Variants in CTDSPL2 observed in about 807,000 individuals in gnomAD.
CTDSPL2 encodes CTD small phosphatase-like protein 2.
Under a neutral mutation model 60.0 loss-of-function variants are expected in CTDSPL2, and 5 were observed. The observed-to-expected ratio is 0.08, with a 90% CI of 0.04 to 0.18. CTDSPL2 has a LOEUF of 0.18. CTDSPL2 is among the 10% of genes least tolerant of loss of function. The probability of loss-of-function intolerance (pLI) is 1.00; values close to 1 mark genes in which losing one functional copy is unlikely to be tolerated. For missense variants in CTDSPL2, 370 were observed against 548.8 expected, an observed-to-expected ratio of 0.67 and a Z score of 3.26; for synonymous variants, 186 against 189.3, an observed-to-expected ratio of 0.98 and a Z score of 0.14.
intron 1 of CTDSPL2, among the ~76,000 whole-genome samples, chr15:44,434,165 G>A (rs932139228): frequency 4.6e-5 from 7 of 152,092 alleles, no homozygotes; most frequent in African/African-American, 1.7e-4. Context: ...ACTTTGGGAG[G>A]CCAAGATGGG....
intron 1 of CTDSPL2, chr15:44,449,063 G>T (rs560390354): frequency 1.8e-4 from 58 of 315,542 alleles, no homozygotes; most frequent in Non-Finnish European, 3.2e-4. Flanking sequence ...CAAATATTGT[G>T]CTTCCAAGTC....
chr15:44,445,221 G>T (rs536136765), intron 1 of CTDSPL2, among the ~76,000 whole-genome samples: 1 of 151,012 alleles, frequency 6.6e-6, no homozygotes, highest in East Asian at 2.0e-4. Context: ...TCTCACTCCG[G>T]CTGTTGCCCT....
chr15:44,492,913 G>A (rs750169717), intron 5 of CTDSPL2, among the ~76,000 whole-genome samples: 1 of 152,108 alleles, frequency 6.6e-6, no homozygotes, highest in African/African-American at 2.4e-5. Flanking sequence ...CTTCCTGTTC[G>A]ATGTTTGTTC....
intron 1 of CTDSPL2, among the ~76,000 whole-genome samples, chr15:44,453,318 G>T (rs1288389808): frequency 6.6e-6 from 1 of 151,792 alleles, no homozygotes; most frequent in African/African-American, 2.4e-5. Flanking sequence ...GTTCCTGTTT[G>T]TTCTTCATTT....
chr15:44,473,405 C>A (rs1301163908), intron 2 of CTDSPL2, among the ~76,000 whole-genome samples: 1 of 152,184 alleles, frequency 6.6e-6, no homozygotes, highest in African/African-American at 2.4e-5. Flanking sequence ...ACGCCATTCT[C>A]CTGCCTCAGC....
intron 1 of CTDSPL2, among the ~76,000 whole-genome samples, chr15:44,433,741 G>A (rs2079912110): frequency 1.3e-5 from 2 of 151,926 alleles, no homozygotes; most frequent in African/African-American, 4.8e-5. Flanking sequence ...CATGAGTTGA[G>A]GAGTTCGAGA....
intron 1 of CTDSPL2, among the ~76,000 whole-genome samples, chr15:44,456,186 T>C (rs2080436343): frequency 6.6e-6 from 1 of 152,180 alleles, no homozygotes; most frequent in Non-Finnish European, 1.5e-5. Context: ...TCATCAAGGA[T>C]ATTGGTCTAA....
chr15:44,497,111 A>C lies in CTDSPL2; in HGVS notation c.855A>C (p.Thr285=). 4 of 1,607,220 alleles carry C rather than the reference A, an allele frequency of 2.5e-6. No homozygotes were observed. Among genetic ancestry groups the C allele is most frequent in the South Asian group, 1.1e-5 (1 of 90,884 alleles). Residue 285 remains threonine, a synonymous_variant, in exon 7 of 13, where the codon ACA becomes ACC. Coordinates refer to ENST00000260327, the MANE Select transcript of CTDSPL2 (RefSeq NM_016396.3). ...KPALPLKTRS[T]PEFSLVLDLD... ...CTCTTCCGTTGAAAACAAGAAGCAC[A>C]CCGGAATTCTCCCTAGTTTTAGACT...
chr15:44,502,181 C>A (rs1456945727), intron 8 of CTDSPL2: 1 of 211,164 alleles, frequency 4.7e-6, no homozygotes, highest in Non-Finnish European at 9.7e-6. Context: ...ACAAAATTAA[C>A]CATTTTTAAA....
chr15:44,490,717 G>A, intron 4 of CTDSPL2, 67 bp from the exon 5 acceptor site: 1 of 1,135,740 alleles, frequency 8.8e-7, no homozygotes, highest in South Asian at 1.3e-5. Context: ...GTACGGTGAT[G>A]CTGCATTTAG....
chr15:44,444,452 C>T (rs1168470327), intron 1 of CTDSPL2, among the ~76,000 whole-genome samples: 1 of 151,980 alleles, frequency 6.6e-6, no homozygotes, highest in African/African-American at 2.4e-5. Flanking sequence ...TCAAGTGATC[C>T]TGCCACCTCA....
At chr15:44,502,104 TAGAA>T (rs2081390361) in intron 8 of CTDSPL2, 1 of 354,266 alleles carries the variant, frequency 2.8e-6, no homozygotes, top group African/African-American at 2.1e-5. Flanking sequence ...CACTTAAAGG[TAGAA>T]ATCTGTAAAG....
At chr15:44,476,153 C>T (rs1264255926) in intron 2 of CTDSPL2, among the ~76,000 whole-genome samples, 1 of 152,108 alleles carries the variant, frequency 6.6e-6, no homozygotes, top group Non-Finnish European at 1.5e-5. Flanking sequence ...ACTGCCAGCT[C>T]CACCTCCCGG....
At chr15:44,455,753 G>C (rs797016130) in intron 1 of CTDSPL2, among the ~76,000 whole-genome samples, 1 of 150,022 alleles carries the variant, frequency 6.7e-6, no homozygotes, top group African/African-American at 2.5e-5. Context: ...AACCAGCCTT[G>C]CATCCCAGGG....
intron 1 of CTDSPL2, among the ~76,000 whole-genome samples, chr15:44,454,639 A>C (rs543261667): frequency 1.3e-5 from 2 of 152,324 alleles, no homozygotes; most frequent in African/African-American, 4.8e-5. Flanking sequence ...TCAGCTTTCT[A>C]CATATGGCTA....
At chr15:44,523,489 C>G (rs1025640827) in intron 12 of CTDSPL2, among the ~76,000 whole-genome samples, 9 of 152,114 alleles carry the variant, frequency 5.9e-5, no homozygotes, top group African/African-American at 2.2e-4. Flanking sequence ...GCCTATAATT[C>G]CAGCTACACA....
intron 2 of CTDSPL2, among the ~76,000 whole-genome samples, chr15:44,468,619 T>C (rs1358920487): frequency 6.6e-6 from 1 of 152,168 alleles, no homozygotes; most frequent in Non-Finnish European, 1.5e-5. Flanking sequence ...AGGTAAGAAA[T>C]ATTTTAGGCT....
intron 8 of CTDSPL2, among the ~76,000 whole-genome samples, chr15:44,507,323 A>G (rs1043580589): frequency 2.0e-5 from 3 of 151,992 alleles, no homozygotes; most frequent in Admixed American, 1.3e-4. Context: ...GTCCTCAACT[A>G]TCTGCCCACC....
Position 44,496,598 on chromosome 15 carries a change from C to T in CTDSPL2, c.770+140C>T, listed in dbSNP as rs2081304417. 8 of 651,682 alleles carry T rather than the reference C, an allele frequency of 1.2e-5. No homozygotes were observed. The Admixed American group carries it at 1.4e-4, about 11-fold the overall frequency. The allele number at this position is 651,682 out of a possible 1,614,324, so 40.4% of individuals were successfully genotyped here. ...TTGAAACTTTTAATGGGGCTGGGTG[C>T]AGTGGCTCATCCCAGCACTTTGAGA... On this transcript the variant is annotated intron_variant, in intron 6 of 12. Coordinates refer to ENST00000260327, the MANE Select transcript of CTDSPL2 (RefSeq NM_016396.3).
Sources: allele counts gnomAD v4.1 joint callset (sites outside exome capture counted in the v4.1 genomes callset), GRCh38; gene constraint gnomAD v4.1.1; transcripts MANE v1.5; gene names NCBI Gene and HGNC (gene_info 2026-07-23, HGNC 2026-07-21).